Variants in DMD observed in about 807,000 individuals in gnomAD.
The protein encoded by DMD is dystrophin, also known as mutant dystrophin.
A neutral mutation model predicts 330.1 loss-of-function variants in DMD; 63 were observed. That is an observed-to-expected ratio of 0.19 (90% CI 0.16 to 0.24). The LOEUF (loss-of-function observed/expected upper bound fraction) is 0.24, where lower values mean the gene tolerates loss of function less well. Ranked by LOEUF, DMD falls within the 10% of genes least tolerant of loss-of-function variation. DMD has a pLI of 1.00. For synonymous variants in DMD, 1,223 were observed against 959.8 expected (o/e 1.27, Z -5.07); for missense variants, 3,344 against 2,684.1 (o/e 1.25, Z -5.43).
At chrX:32,817,080 A>C (rs2077821451) in intron 5 of DMD, among the ~76,000 whole-genome samples, 1 of 111,863 alleles carries the variant, frequency 8.9e-6, no homozygotes, top group South Asian at 3.7e-4. Context: ...CTTTGCTATT[A>C]ATTGTGGTAA....
intron 11 of DMD, among the ~76,000 whole-genome samples, chrX:32,618,339 G>C (rs1195627139): frequency 8.9e-6 from 1 of 112,078 alleles, no homozygotes; most frequent in Non-Finnish European, 1.9e-5. Flanking sequence ...CCATGAAAAA[G>C]AGTAAGATTA....
intron 50 of DMD, among the ~76,000 whole-genome samples, chrX:31,802,956 G>A (rs1603472169): frequency 9.0e-6 from 1 of 111,693 alleles, no homozygotes; most frequent in Non-Finnish European, 1.9e-5. Flanking sequence ...CAGAGGGGGA[G>A]GAAATGCCAA....
chrX:32,667,778 T>C (rs1046264708), intron 9 of DMD, among the ~76,000 whole-genome samples: 9 of 107,903 alleles, frequency 8.3e-5, no homozygotes, highest in Non-Finnish European at 1.7e-4. Context: ...TTTTTTTTTT[T>C]TTTTTTTCCA....
At chrX:31,541,060 G>A (rs752958689) in intron 55 of DMD, among the ~76,000 whole-genome samples, 1 of 111,467 alleles carries the variant, frequency 9.0e-6, no homozygotes, top group East Asian at 2.8e-4. Context: ...AATAAACATC[G>A]ATTTAGGATC....
intron 11 of DMD, among the ~76,000 whole-genome samples, chrX:32,642,382 G>A (rs752928443): frequency 8.9e-6 from 1 of 111,995 alleles, no homozygotes; most frequent in South Asian, 3.7e-4. Context: ...TATTCTAAAA[G>A]CTGTAACACG....
At chrX:33,055,423 G>A (rs1376489137) in intron 1 of DMD, among the ~76,000 whole-genome samples, 1 of 111,791 alleles carries the variant, frequency 8.9e-6, no homozygotes, top group African/African-American at 3.3e-5. Context: ...ATAACAAGTC[G>A]GTAGGAGATT....
chrX:32,190,872 T>G (rs2096972229), intron 44 of DMD, among the ~76,000 whole-genome samples: 1 of 109,170 alleles, frequency 9.2e-6, no homozygotes, highest in Admixed American at 1.0e-4. Flanking sequence ...GCCTTCCTTT[T>G]CTTACCTTTA....
chrX:31,993,771 T>G (rs1254796703), intron 44 of DMD, among the ~76,000 whole-genome samples: 1 of 112,096 alleles, frequency 8.9e-6, no homozygotes, highest in Non-Finnish European at 1.9e-5. Context: ...TAGAAAAATG[T>G]AACTGTGTCT....
At chrX:32,628,305 CAAGT>C (rs1010216373) in intron 11 of DMD, among the ~76,000 whole-genome samples, 2 of 52,653 alleles carry the variant, frequency 3.8e-5, no homozygotes, top group Non-Finnish European at 5.9e-5. Flanking sequence ...TAAGCTCTCA[CAAGT>C]AAGTGAGAAC....
chrX:32,115,451 C>G (rs1423711166), intron 44 of DMD, among the ~76,000 whole-genome samples: 1 of 110,223 alleles, frequency 9.1e-6, no homozygotes, highest in East Asian at 2.9e-4. Context: ...CTGTGTTACC[C>G]AGGCTGGTCT....
At chrX:32,888,144 ATTT>A (rs200855437) in intron 2 of DMD, among the ~76,000 whole-genome samples, 1 of 102,729 alleles carries the variant, frequency 9.7e-6, no homozygotes, top group African/African-American at 3.6e-5. Context: ...CTGAATTTTT[ATTT>A]TTTATTTTTT....
At chrX:31,587,243 T>C (rs5972415) in intron 55 of DMD, among the ~76,000 whole-genome samples, 1,949 of 111,539 alleles carry the variant, frequency 0.017, 20 homozygotes, top group East Asian at 0.037. Context: ...AGGAGGAGTA[T>C]GTTCAAGAGA....
At chrX:33,080,360 T>C (rs2094909834) in intron 1 of DMD, among the ~76,000 whole-genome samples, 1 of 111,820 alleles carries the variant, frequency 8.9e-6, no homozygotes, top group Admixed American at 9.6e-5. Context: ...GTTACTCTTT[T>C]AGTTTAAGAC....
intron 50 of DMD, among the ~76,000 whole-genome samples, chrX:31,798,390 C>T (rs2091922400): frequency 9.1e-6 from 1 of 110,039 alleles, no homozygotes. Context: ...CAGTCTTGTG[C>T]TAAGTATAAT....
intron 21 of DMD, among the ~76,000 whole-genome samples, chrX:32,473,312 C>T (rs2040859769): frequency 9.0e-6 from 1 of 110,694 alleles, no homozygotes; most frequent in African/African-American, 3.3e-5. Flanking sequence ...AAGGAAATAC[C>T]TGGAATGAAG....
At chrX:32,879,210 T>A (rs2083674833) in intron 2 of DMD, among the ~76,000 whole-genome samples, 1 of 110,497 alleles carries the variant, frequency 9.1e-6, no homozygotes, top group Non-Finnish European at 1.9e-5. Flanking sequence ...GGTAAAAATT[T>A]GAAAAGAAGG....
chrX:31,359,674 A>G (rs1188186476), intron 60 of DMD, among the ~76,000 whole-genome samples: 1 of 111,877 alleles, frequency 8.9e-6, no homozygotes, highest in Non-Finnish European at 1.9e-5. Flanking sequence ...GCAGGACTCA[A>G]TCTATTTTAT....
chrX:32,885,476 TATATAA>T (rs1347641894), intron 2 of DMD, among the ~76,000 whole-genome samples: 1 of 111,828 alleles, frequency 8.9e-6, no homozygotes, highest in African/African-American at 3.2e-5. Context: ...TTCCCAATTG[TATATAA>T]ATATAAAGAA....
At chrX:32,787,213 A>AGTGTGTGTGTGTGTGTGTGT (rs72078806) in intron 7 of DMD, among the ~76,000 whole-genome samples, 6 of 83,379 alleles carry the variant, frequency 7.2e-5, no homozygotes, top group African/African-American at 2.7e-4. Flanking sequence ...CTCTCTGTCA[A>AGTGTGTGTGTGTGTGTGTGT]GTGTGTGTGT....
Sources: gnomAD v4.1 joint callset for allele counts (sites outside exome capture counted in the v4.1 genomes callset) on GRCh38, gnomAD v4.1.1 for gene constraint, MANE v1.5 for transcripts, NCBI Gene and HGNC (gene_info 2026-07-23, HGNC 2026-07-21) for gene names.